ADAM10: variants seen among roughly 807,000 people sequenced by gnomAD.
ADAM10 encodes ADAM metallopeptidase domain 10.
A neutral mutation model predicts 90.1 loss-of-function variants in ADAM10; 17 were observed. The ratio of observed to expected loss-of-function variants is 0.19; its 90% CI spans 0.13 to 0.28. The LOEUF (loss-of-function observed/expected upper bound fraction) is 0.28. Ranked by LOEUF, ADAM10 falls within the 10% of genes least tolerant of loss-of-function variation. The probability of loss-of-function intolerance (pLI) is 1.00; values close to 1 mark genes in which losing one functional copy is unlikely to be tolerated. For missense variants in ADAM10, 610 were observed against 914.3 expected (o/e 0.67, Z 4.29); for synonymous variants, 310 against 298.6 (o/e 1.04, Z -0.40).
At chr15:58,677,747 TTTTC>T (rs1359800491) in intron 4 of ADAM10, among the ~76,000 whole-genome samples, 1 of 152,176 alleles carries the variant, frequency 6.6e-6, no homozygotes, top group African/African-American at 2.4e-5. Context: ...CCTCAAAAGG[TTTTC>T]TTTGATTTTG....
rs777875936 is a variant in ADAM10, at chr15:58,717,593, A to T, written c.190T>A (p.Phe64Ile). 1.2e-6 allele frequency: 2 copies of T among 1,613,808 alleles called. No homozygotes were observed. Among genetic ancestry groups the T allele is most frequent in the African/African-American group, 2.7e-5 (2 of 74,912 alleles). Residue 64 changes from phenylalanine (F) to isoleucine (I), a missense_variant, in exon 2 of 16, where the codon TTC becomes ATC. By Grantham distance (21) the Phe-to-Ile change is conservative (BLOSUM62 0). Transcript: ENST00000260408. Reference protein sequence around the residue: ...SHEDQFLRLDFHAHGRHFNLR... With the variant: ...SHEDQFLRLDIHAHGRHFNLR... ...TTTACTTACCTTCCATGGGCATGGA[A>T]ATCTAGACGTAAAAATTGGTCTTCA...
At chr15:58,690,976 T>G (rs1422466839) in intron 2 of ADAM10, 1 of 465,936 alleles carries the variant, frequency 2.1e-6, no homozygotes, top group Non-Finnish European at 4.2e-6. Context: ...GCCTCAGCCT[T>G]CTGCTGTAGT....
At chr15:58,615,030 T>C (rs1421031392) in intron 11 of ADAM10, among the ~76,000 whole-genome samples, 2 of 151,838 alleles carry the variant, frequency 1.3e-5, no homozygotes, top group Non-Finnish European at 2.9e-5. Context: ...ATCCCAGCAC[T>C]TTGGGAGGCC....
At chr15:58,687,123 G>C (rs1897623830) in intron 2 of ADAM10, among the ~76,000 whole-genome samples, 1 of 152,192 alleles carries the variant, frequency 6.6e-6, no homozygotes, top group African/African-American at 2.4e-5. Context: ...AAATTGCTGG[G>C]AGGAAGAATA....
chr15:58,646,094 G>C lies in ADAM10; in HGVS notation c.696C>G (p.Phe232Leu). 7 of 1,613,676 alleles carry C rather than the reference G, an allele frequency of 4.3e-6. No homozygotes were observed. Among genetic ancestry groups the C allele is most frequent in the Non-Finnish European group, 5.9e-6 (7 of 1,179,792 alleles). ...CQLYIQTDHL[F>L]FKYYGTREAV... ...CTTCTCGTGTTCCGTAATATTTAAA[G>C]AACAAATGATCAGTCTGAATATAAA... Residue 232 changes from phenylalanine (F) to leucine (L), a missense_variant, in exon 6 of 16, where the codon TTC becomes TTG. Phe to Leu is a conservative substitution (Grantham distance 22, BLOSUM62 0). This residue lies in a region of ADAM10 where 310 missense variants were observed against 362.4 expected (regional missense o/e 0.86). Transcript: ENST00000260408.
At position 58,599,704 on chromosome 15, in the gene ADAM10, T is replaced by C. The variant is rs140875224; in HGVS notation, c.2046A>G (p.Leu682=). 1.2e-6 allele frequency: 2 copies of C among 1,612,652 alleles called. No individual in the cohort carries two copies. The highest frequency in any genetic ancestry group is 2.7e-5 in the African/African-American group (2 of 74,644). ...EWIVAHWWAV[L]LMGIALIMLM... ...GCATGATCAGAGCAATTCCCATAAG[T>C]AATACTGCCCACCAATGAGCCTAGA... is the stretch of plus-strand genomic sequence containing the variant. The change falls in exon 15 of 16, where the codon TTA becomes TTG. Residue 682 remains leucine (L), a synonymous_variant. Transcript: ENST00000260408.
chr15:58,593,148 A>ATTT lies in ADAM10; in HGVS notation c.*4398_*4399insAAA, dbSNP rs1566960143. On this transcript the variant is annotated 3_prime_UTR_variant, in exon 16 of 16. Transcript: ENST00000260408. ...AAAAGTAACAAAGGCCAGGTACTCA[A>ATTT]ATTTTTTTTTTTTTTTTTTTTTTTT... 3.6e-5 allele frequency: 4 copies of ATTT among 110,582 alleles called. No individual in the cohort carries two copies. Among genetic ancestry groups the ATTT allele is most frequent in the African/African-American group, 6.2e-5 (2 of 32,310 alleles). The allele number at this position is 110,582 out of a possible 1,614,324, so 6.9% of individuals were successfully genotyped here. A position where few individuals can be genotyped will look rare whatever the true frequency, so the allele number is the denominator to read the frequency against.
chr15:58,729,487 G>A (rs1338613090), intron 1 of ADAM10, among the ~76,000 whole-genome samples: 1 of 152,142 alleles, frequency 6.6e-6, no homozygotes, highest in Non-Finnish European at 1.5e-5. Flanking sequence ...AAATGACTCA[G>A]GCTCTACCCC....
At chr15:58,702,021 G>T (rs972823397) in intron 2 of ADAM10, among the ~76,000 whole-genome samples, 1 of 152,004 alleles carries the variant, frequency 6.6e-6, no homozygotes, top group African/African-American at 2.4e-5. Context: ...CAGAAGAATC[G>T]CTTGATCCAG....
At chr15:58,614,480 A>G (rs1351500646) in intron 11 of ADAM10, among the ~76,000 whole-genome samples, 2 of 152,172 alleles carry the variant, frequency 1.3e-5, no homozygotes, top group Non-Finnish European at 2.9e-5. Context: ...CTAGCAGCAG[A>G]TTTCTCAGCA....
intron 5 of ADAM10, among the ~76,000 whole-genome samples, chr15:58,648,974 G>T (rs1471152617): frequency 6.6e-6 from 1 of 151,894 alleles, no homozygotes; most frequent in Non-Finnish European, 1.5e-5. Flanking sequence ...AGCAGTTTTT[G>T]TAAAACAGTT....
intron 11 of ADAM10, among the ~76,000 whole-genome samples, chr15:58,619,038 T>C (rs1225657759): frequency 1.3e-5 from 2 of 152,036 alleles, no homozygotes; most frequent in Admixed American, 1.3e-4. Context: ...ATAAAAGGGA[T>C]ACCTACAGCC....
At chr15:58,697,570 C>T (rs1056837843) in intron 2 of ADAM10, among the ~76,000 whole-genome samples, 73 of 152,310 alleles carry the variant, frequency 4.8e-4, no homozygotes, top group African/African-American at 1.6e-3. Context: ...CACCTGCAGG[C>T]CTGGAGACTG....
At chr15:58,735,171 G>C (rs1899388555) in intron 1 of ADAM10, among the ~76,000 whole-genome samples, 1 of 152,114 alleles carries the variant, frequency 6.6e-6, no homozygotes, top group Admixed American at 6.6e-5. Context: ...TTGTATCTGG[G>C]AATCTCTCCT....
At chr15:58,627,550 TTAAG>T in intron 10 of ADAM10, 146 bp downstream of exon 10, 1 of 693,220 alleles carries the variant, frequency 1.4e-6, no homozygotes, top group South Asian at 1.8e-5. Flanking sequence ...GATGGCAAGA[TTAAG>T]AAATAACGAG....
At chr15:58,603,241 A>G (rs1324628491) in intron 14 of ADAM10, among the ~76,000 whole-genome samples, 4 of 152,342 alleles carry the variant, frequency 2.6e-5, no homozygotes, top group Non-Finnish European at 5.9e-5. Flanking sequence ...TCATCCTCAA[A>G]TAACAGACCT....
chr15:58,615,029 C>T (rs2141002271), intron 11 of ADAM10, among the ~76,000 whole-genome samples: 1 of 152,132 alleles, frequency 6.6e-6, no homozygotes, highest in East Asian at 1.9e-4. Flanking sequence ...AATCCCAGCA[C>T]TTTGGGAGGC....
chr15:58,631,466 G>A (rs1234667467), intron 9 of ADAM10, among the ~76,000 whole-genome samples: 1 of 152,132 alleles, frequency 6.6e-6, no homozygotes, highest in Admixed American at 6.5e-5. Flanking sequence ...AGTGAAAAGA[G>A]AATGGTCTAG....
chr15:58,640,039 T>A (rs1896374029), intron 8 of ADAM10, among the ~76,000 whole-genome samples: 1 of 152,190 alleles, frequency 6.6e-6, no homozygotes, highest in Admixed American at 6.5e-5. Flanking sequence ...TTTCAATTAA[T>A]AAATTTGGAT....
Sources: gnomAD v4.1 joint callset for allele counts (sites outside exome capture counted in the v4.1 genomes callset) on GRCh38, gnomAD v4.1.1 for gene constraint, gnomAD v4.1.1 regional missense constraint, MANE v1.5 for transcripts, NCBI Gene and HGNC (gene_info 2026-07-23, HGNC 2026-07-21) for gene names.